The following PLEKHA6 variants were observed in gnomAD, a reference collection of about 807,000 sequenced individuals.
PLEKHA6 encodes the protein pleckstrin homology domain-containing family A member 6.
In PLEKHA6, 60 loss-of-function variants were observed where a neutral mutation model predicts 116.7. The ratio of observed to expected loss-of-function variants is 0.51; its 90% CI spans 0.42 to 0.64. PLEKHA6 has a LOEUF of 0.64. Ranked by LOEUF, PLEKHA6 falls within the 30% of genes least tolerant of loss-of-function variation. The pLI, the probability that PLEKHA6 is intolerant of heterozygous loss-of-function variation, is 0.00. For synonymous variants in PLEKHA6, 489 were observed against 556.1 expected (o/e 0.88, Z 1.70); for missense variants, 1,338 against 1,422.7 (o/e 0.94, Z 0.96).
intron 6 of PLEKHA6, among the ~76,000 whole-genome samples, chr1:204,262,861 G>A (rs902599638): frequency 6.6e-6 from 1 of 152,154 alleles, no homozygotes. Context: ...CTAAGAAGCT[G>A]AGACTTGCGA....
chr1:204,229,551 C>G (rs1660868749), intron 18 of PLEKHA6, among the ~76,000 whole-genome samples: 1 of 152,188 alleles, frequency 6.6e-6, no homozygotes, highest in African/African-American at 2.4e-5. Flanking sequence ...GTAGCTGGGA[C>G]TATAGGTGAA....
chr1:204,327,581 G>A (rs928977373), intron 1 of PLEKHA6, among the ~76,000 whole-genome samples: 3 of 152,226 alleles, frequency 2.0e-5, no homozygotes, highest in Admixed American at 1.3e-4. Flanking sequence ...GTCCATGCAC[G>A]TTGTGGTGTC....
rs563940826 is a variant in PLEKHA6, at chr1:204,319,269, A to T, written c.-95+40425T>A. ...GGAGCAGGAGGAGGAGCAGGCTGTC[A>T]GTCTTATAGACTGTTTCCTCCAAAA... On this transcript the variant is annotated intron_variant, in intron 1 of 22. Transcript: ENST00000272203. Among the ~76,000 whole-genome samples the T allele has an allele frequency of 1.6e-4, 25 of 152,310 alleles. No individual in the cohort carries two copies. The South Asian group carries it at 5.0e-3, about 30-fold the overall frequency.
chr1:204,286,090 C>T (rs748538308), intron 1 of PLEKHA6, among the ~76,000 whole-genome samples: 1 of 140,332 alleles, frequency 7.1e-6, no homozygotes, highest in Middle Eastern at 3.7e-3. Context: ...TCATCCAGAC[C>T]TGGATCCTAT....
rs1349257114 is a variant in PLEKHA6, at chr1:204,257,741, G to A, written c.1136C>T (p.Ala379Val). 6.2e-7 allele frequency: 1 copy of A among 1,613,590 alleles called. No homozygotes were observed. The highest frequency in any genetic ancestry group is 8.5e-7 in the Non-Finnish European group (1 of 1,179,796). Residue 379 changes from alanine to valine, a missense_variant, in exon 9 of 23, where the codon GCC (alanine) becomes GTC (valine). Physicochemically the swap from Ala to Val is moderately conservative, Grantham distance 64. Transcript: ENST00000272203. This position sits in a 1 kb window ranked among gnomAD's most constrained non-coding sequence, Gnocchi z 6.5. ...VRPESICSMP[A>V]YDRISPPWAL... ...CCAGGGCGGGCTGATCCGATCATAG[G>A]CCGGCATGGAACAGATGCTCTCCGG...
intron 4 of PLEKHA6, among the ~76,000 whole-genome samples, chr1:204,267,906 C>T (rs1667011988): frequency 6.6e-6 from 1 of 152,116 alleles, no homozygotes; most frequent in South Asian, 2.1e-4. Context: ...CCATAATAAG[C>T]AGGACCTGCT....
chr1:204,375,766 A>G (rs1351468923), intron 1 of PLEKHA6, among the ~76,000 whole-genome samples: 2 of 151,358 alleles, frequency 1.3e-5, no homozygotes, highest in African/African-American at 4.9e-5. Context: ...GGGCTCTCTC[A>G]AGCTGCCTCT....
chr1:204,313,625 C>G, intron 1 of PLEKHA6: 1 of 984,754 alleles, frequency 1.0e-6, no homozygotes, highest in Non-Finnish European at 1.2e-6. Flanking sequence ...CCATATTAGC[C>G]CAAGGAAATC....
chr1:204,345,067 C>T (rs941504970), intron 1 of PLEKHA6, among the ~76,000 whole-genome samples: 1 of 152,236 alleles, frequency 6.6e-6, no homozygotes, highest in South Asian at 2.1e-4. Flanking sequence ...CATTTATCGG[C>T]GAGAAAGACA....
At chr1:204,270,235 T>A (rs1667307501) in intron 3 of PLEKHA6, among the ~76,000 whole-genome samples, 1 of 152,190 alleles carries the variant, frequency 6.6e-6, no homozygotes, top group Admixed American at 6.5e-5. Flanking sequence ...ACTCTCCAAG[T>A]GTTGGTGGGC....
At chr1:204,347,354 G>A (rs1310108698) in intron 1 of PLEKHA6, 4 of 641,724 alleles carry the variant, frequency 6.2e-6, no homozygotes, top group Non-Finnish European at 1.1e-5. Flanking sequence ...TGGCTCACTG[G>A]CTGTCAGAGT....
In PLEKHA6 at chr1:204,376,447, A is replaced by C. The variant is rs1673872397; in HGVS notation, c.83+1136T>G. On this transcript the variant is annotated intron_variant, in intron 1 of 4. Coordinates refer to the PLEKHA6 transcript ENST00000564627. ...TTTAAGAATCTGACTTAGGGTCAAG[A>C]ACTTTAATGGAGTTAATTTCTAAGA... Among the ~76,000 whole-genome samples the C allele has an allele frequency of 2.0e-5, 3 of 152,242 alleles. No homozygotes were observed. The South Asian group carries it at 6.2e-4, about 32-fold the overall frequency.
At chr1:204,244,715 T>G in intron 15 of PLEKHA6, 149 bp downstream of exon 15, 1 of 512,468 alleles carries the variant, frequency 2.0e-6, no homozygotes, top group South Asian at 4.2e-5. Flanking sequence ...CAAAATGGGG[T>G]GTGAGAATGA....
At chr1:204,248,343 A>G (rs113254409) in intron 12 of PLEKHA6, among the ~76,000 whole-genome samples, 3,934 of 152,126 alleles carry the variant, frequency 0.026, 126 homozygotes, top group African/African-American at 0.08. Flanking sequence ...TAGTAGAGAC[A>G]GGGTTTCTCC....
Position 204,268,297 on chromosome 1 carries a change from G to A in PLEKHA6, c.118C>T (p.Arg40Cys), listed in dbSNP as rs369254044. ...RPSVRATRTA[R>C]KAVAFGKRSH... ...CGCTTGCCAAAGGCGACGGCTTTGC[G>A]GGCTGTGCGAGTTGCCTGGGGGCAG... The change falls in exon 4 of 23, where the codon CGC becomes TGC. Residue 40 changes from arginine to cysteine, a missense_variant. By Grantham distance (180) the Arg-to-Cys change is radical. Coordinates refer to ENST00000272203, the MANE Select transcript of PLEKHA6 (RefSeq NM_014935.5). 5.2e-5 allele frequency: 83 copies of A among 1,608,492 alleles called. No individual in the cohort carries two copies. The highest frequency in any genetic ancestry group is 1.1e-4 in the East Asian group (5 of 44,522).
At chr1:204,275,254 ACTC>A (rs1667882453) in intron 1 of PLEKHA6, among the ~76,000 whole-genome samples, 1 of 151,568 alleles carries the variant, frequency 6.6e-6, no homozygotes, top group South Asian at 2.1e-4. Context: ...GTGACCTTGG[ACTC>A]CTCCTCCTTC....
intron 1 of PLEKHA6, among the ~76,000 whole-genome samples, chr1:204,356,440 A>T (rs1572227083): frequency 6.6e-6 from 1 of 151,988 alleles, no homozygotes; most frequent in African/African-American, 2.4e-5. Context: ...GGTGACATGC[A>T]CCTGTAGACC....
At chr1:204,287,760 C>T (rs980110705) in intron 1 of PLEKHA6, among the ~76,000 whole-genome samples, 5 of 152,124 alleles carry the variant, frequency 3.3e-5, no homozygotes, top group Non-Finnish European at 5.9e-5. Context: ...CCAGAGCTAC[C>T]GAGCGCCTCT....
intron 1 of PLEKHA6, among the ~76,000 whole-genome samples, chr1:204,275,181 G>A (rs981485286): frequency 1.3e-5 from 2 of 152,036 alleles, no homozygotes; most frequent in African/African-American, 4.8e-5. Context: ...TCCCAGGGAC[G>A]GCGTCTGCCA....
Sources: allele counts gnomAD v4.1 joint callset (sites outside exome capture counted in the v4.1 genomes callset), GRCh38; gene constraint gnomAD v4.1.1; non-coding constraint Gnocchi (gnomAD v3.1); transcripts MANE v1.5; gene names NCBI Gene and HGNC (gene_info 2026-07-23, HGNC 2026-07-21).